GRK1: variants seen among roughly 807,000 people sequenced by gnomAD.
GRK1 encodes G protein-coupled receptor kinase 1.
Under a neutral mutation model 41.7 loss-of-function variants are expected in GRK1, and 28 were observed. That is an observed-to-expected ratio of 0.67 (90% CI 0.50 to 0.92). The LOEUF (loss-of-function observed/expected upper bound fraction) is 0.92. GRK1 is among the 40% of genes least tolerant of loss of function. The probability of loss-of-function intolerance (pLI) is 0.00; values close to 1 mark genes in which losing one functional copy is unlikely to be tolerated. For synonymous variants in GRK1, 327 were observed against 286.7 expected (o/e 1.14, Z -1.42); for missense variants, 703 against 671.2 (o/e 1.05, Z -0.52).
upstream of GRK1, among the ~76,000 whole-genome samples, chr13:113,665,609 TGCCCCAGC>T (rs1316221110): frequency 6.6e-5 from 10 of 150,678 alleles, no homozygotes; most frequent in African/African-American, 2.5e-4. Flanking sequence ...GTCCCAGGTG[TGCCCCAGC>T]TGTCCCAGGT....
chr13:113,671,653 G>A lies in GRK1; in HGVS notation c.982G>A (p.Asp328Asn), dbSNP rs376631949. Residue 328 changes from aspartate (D) to asparagine (N), a missense_variant, in exon 3 of 7, where the codon GAC becomes AAC. Asp to Asn is a conservative substitution (Grantham distance 23). Coordinates refer to ENST00000335678, the MANE Select transcript of GRK1 (RefSeq NM_002929.3). The surrounding 1 kb of genome is among the most constrained non-coding windows in gnomAD (Gnocchi z 4.1). ...GCCCGAGAACGTGCTGCTGGACAAT[G>A]ACGGTAGGAGGTGCCCTCGGCTGGG... ...LKPENVLLDN[D>N]GNVRISDLGL... 12 of 758,350 alleles carry A rather than the reference G, an allele frequency of 1.6e-5. No individual in the cohort carries two copies. Among genetic ancestry groups the A allele is most frequent in the Non-Finnish European group, 2.9e-5 (12 of 413,962 alleles). 47.0% of individuals were successfully genotyped at this position (758,350 alleles called of 1,614,324 possible). A position where few individuals can be genotyped will look rare whatever the true frequency, so the allele number is the denominator to read the frequency against.
intron 2 of GRK1, among the ~76,000 whole-genome samples, chr13:113,670,827 A>G (rs1474584066): frequency 6.8e-6 from 1 of 147,308 alleles, no homozygotes; most frequent in Non-Finnish European, 1.5e-5. Flanking sequence ...GGGAGGGGAC[A>G]TTGGGAAGTG....
At chr13:113,730,323 C>T (rs1458359036) in intron 4 of GRK1, among the ~76,000 whole-genome samples, 2 of 136,258 alleles carry the variant, frequency 1.5e-5, no homozygotes, top group African/African-American at 2.8e-5. Flanking sequence ...TCCCGACAGT[C>T]CCCCAGTCCC....
At chr13:113,728,216 TGAG>T (rs2049906568) in intron 4 of GRK1, among the ~76,000 whole-genome samples, 1 of 95,384 alleles carries the variant, frequency 1.0e-5, no homozygotes, top group African/African-American at 4.5e-5. Flanking sequence ...CCCATGGCGA[TGAG>T]GAGTACCCAT....
Position 113,735,232 on chromosome 13 carries a change from G to C in GRK1, c.1561G>C (p.Glu521Gln). 6.5e-7 allele frequency: 1 copy of C among 1,537,196 alleles called. No individual in the cohort carries two copies. Among genetic ancestry groups the C allele is most frequent in the East Asian group, 2.4e-5 (1 of 40,920 alleles). The change falls in exon 7 of 7, where the codon GAG becomes CAG. Residue 521 changes from glutamate to glutamine, a missense_variant. Transcript: ENST00000335678. ...CAACTGCCCCATCCCCTGGCAGGAG[G>C]AGATGATCGAGACGGGCATCTTTGG... ...TGNCPIPWQEEMIETGIFGEL... is the reference protein window; with the variant it reads ...TGNCPIPWQEQMIETGIFGEL...
At position 113,731,065 on chromosome 13, in the gene GRK1, C is replaced by T; in HGVS notation, c.1070-154C>T. 1.5e-6 allele frequency: 1 copy of T among 656,670 alleles called. No homozygotes were observed. Among genetic ancestry groups the T allele is most frequent in the Non-Finnish European group, 1.9e-6 (1 of 529,774 alleles). 40.7% of individuals were successfully genotyped at this position (656,670 alleles called of 1,614,324 possible). On this transcript the variant is annotated intron_variant, in intron 4 of 6. Transcript: ENST00000335678. The surrounding 1 kb of genome is among the most constrained non-coding windows in gnomAD (Gnocchi z 5.6). Reference sequence around the variant, plus strand: ...GCTTGGCACCCAGTAACACACAGGGCAGCCCCTCCACAAAGGATTTTCTGG... The same window carrying T: ...GCTTGGCACCCAGTAACACACAGGGTAGCCCCTCCACAAAGGATTTTCTGG...
chr13:113,650,200 T>C, the GRK1 span, among the ~76,000 whole-genome samples: 30 of 149,310 alleles, frequency 2.0e-4, no homozygotes, highest in African/African-American at 6.6e-4. The surrounding 1 kb of genome is among the most constrained non-coding windows in gnomAD (Gnocchi z 5.0). Context: ...AGAGTTAGAG[T>C]TGTATTTTCA....
At chr13:113,672,205 TGTGTGTG>T (rs1331305741) in intron 3 of GRK1, among the ~76,000 whole-genome samples, 1 of 150,278 alleles carries the variant, frequency 6.7e-6, no homozygotes, top group Non-Finnish European at 1.5e-5. Context: ...GTGTGTGTGT[TGTGTGTG>T]GTGTGTGTGT....
chr13:113,733,567 ATG>A (rs754361348), intron 6 of GRK1, among the ~76,000 whole-genome samples: 1 of 126,994 alleles, frequency 7.9e-6, no homozygotes, highest in Non-Finnish European at 1.7e-5. Context: ...GTGTCCATGT[ATG>A]TGTATGTGTG....
At chr13:113,656,028 C>T in the GRK1 span, among the ~76,000 whole-genome samples, 1 of 152,248 alleles carries the variant, frequency 6.6e-6, no homozygotes, top group Non-Finnish European at 1.5e-5. Flanking sequence ...ACTTTGAGTC[C>T]CTCCTTTCCC....
the GRK1 span, chr13:113,649,320 A>G: frequency 6.5e-7 from 1 of 1,545,404 alleles, no homozygotes; most frequent in African/African-American, 1.4e-5. The surrounding 1 kb of genome is among the most constrained non-coding windows in gnomAD (Gnocchi z 4.7). Context: ...CCCAACCAGG[A>G]GGGTGTCCTT....
At chr13:113,654,404 G>A in the GRK1 span, among the ~76,000 whole-genome samples, 6 of 152,134 alleles carry the variant, frequency 3.9e-5, no homozygotes, top group East Asian at 1.9e-4. Context: ...CTGGTCTCCC[G>A]GGTGTGCTCC....
the GRK1 span, chr13:113,655,068 C>G: frequency 7.6e-7 from 1 of 1,314,050 alleles, no homozygotes; most frequent in Non-Finnish European, 1.0e-6. Context: ...ACATTCTCCT[C>G]CCCCAAAACA....
rs746265160 is a variant in GRK1, at chr13:113,669,819, G to A, written c.827+5G>A. 3 of 1,613,700 alleles carry A rather than the reference G, an allele frequency of 1.9e-6. No homozygotes were observed. Among genetic ancestry groups the A allele is most frequent in the African/African-American group, 1.3e-5 (1 of 74,928 alleles). On this transcript the variant is annotated splice_donor_5th_base_variant and intron_variant, in intron 2 of 6. Coordinates refer to ENST00000335678, the MANE Select transcript of GRK1 (RefSeq NM_002929.3). ...CATGAACGGAGGTGACATCAGGTAA[G>A]GGCTGGGCCAGAGGGCACGAGGGGG...
the GRK1 span, among the ~76,000 whole-genome samples, chr13:113,653,743 T>C: frequency 6.6e-6 from 1 of 152,244 alleles, no homozygotes; most frequent in African/African-American, 2.4e-5. Flanking sequence ...AGGCTGCACC[T>C]GGGTTTCTAT....
chr13:113,657,386 G>A, the GRK1 span, among the ~76,000 whole-genome samples: 4 of 152,360 alleles, frequency 2.6e-5, no homozygotes, highest in South Asian at 2.1e-4. Context: ...TTCCCGGAAC[G>A]GGTGTGGCAG....
chr13:113,733,067 T>TG lies in GRK1; in HGVS notation c.1380dup (p.Arg461GlufsTer39), dbSNP rs1444008792. On this transcript the variant is annotated frameshift_variant, in exon 6 of 7. Coordinates refer to ENST00000335678, the MANE Select transcript of GRK1 (RefSeq NM_002929.3). LOFTEE classifies it low-confidence loss of function (END_TRUNC). ...CCACCCCCTCTTCAAGGACCTTAACTGGAGGCAGCTGGAGGCTGGTACTGT... is the reference window on the plus strand; with the variant it reads ...CCACCCCCTCTTCAAGGACCTTAACTGGGAGGCAGCTGGAGGCTGGTACTGT... 1 of 1,536,328 alleles carries TG rather than the reference T, an allele frequency of 6.5e-7. No individual in the cohort carries two copies. Among genetic ancestry groups the TG allele is most frequent in the African/African-American group, 1.4e-5 (1 of 73,048 alleles).
At chr13:113,663,662 T>G (rs1255573832), upstream of GRK1, among the ~76,000 whole-genome samples, 3 of 152,110 alleles carry the variant, frequency 2.0e-5, no homozygotes, top group Non-Finnish European at 4.4e-5. Flanking sequence ...GAAGAGACAT[T>G]TCACCCAAGA....
At chr13:113,652,934 A>G in the GRK1 span, 1 of 1,614,240 alleles carries the variant, frequency 6.2e-7, no homozygotes, top group Non-Finnish European at 8.5e-7. Flanking sequence ...GGGATCCGCC[A>G]GGCCTGAGCA....
Sources: allele counts gnomAD v4.1 joint callset (sites outside exome capture counted in the v4.1 genomes callset), GRCh38; gene constraint gnomAD v4.1.1; non-coding constraint Gnocchi (gnomAD v3.1); transcripts MANE v1.5; gene names NCBI Gene and HGNC (gene_info 2026-07-23, HGNC 2026-07-21).